TMEM132C: variants seen among roughly 807,000 people sequenced by gnomAD.
TMEM132C encodes protein phosphatase 1, regulatory subunit 152.
TMEM132C carries 29 observed loss-of-function variants against 61.4 expected under a neutral mutation model. The ratio of observed to expected loss-of-function variants is 0.47; its 90% CI spans 0.35 to 0.64. The LOEUF is 0.64. Ranked by LOEUF, TMEM132C falls within the 30% of genes least tolerant of loss-of-function variation. The probability of loss-of-function intolerance (pLI) is 0.00; values close to 1 mark genes in which losing one functional copy is unlikely to be tolerated. For missense variants in TMEM132C, 1,408 were observed against 1,476.9 expected, an observed-to-expected ratio of 0.95 and a Z score of 0.76; for synonymous variants, 656 against 633.1, an observed-to-expected ratio of 1.04 and a Z score of -0.54.
chr12:128,621,721 G>A (rs752524922), intron 4 of TMEM132C, among the ~76,000 whole-genome samples: 3 of 152,148 alleles, frequency 2.0e-5, no homozygotes, highest in Non-Finnish European at 4.4e-5. Context: ...GGTCCTCCAC[G>A]CCCACACACC....
chr12:128,271,196 G>A (rs1338932430), intron 1 of TMEM132C, among the ~76,000 whole-genome samples: 1 of 151,674 alleles, frequency 6.6e-6, no homozygotes, highest in Non-Finnish European at 1.5e-5. Flanking sequence ...GGAGGTTGCA[G>A]TGAGCCAAGA....
intron 3 of TMEM132C, among the ~76,000 whole-genome samples, chr12:128,594,249 C>T (rs910657936): frequency 1.3e-5 from 2 of 151,960 alleles, no homozygotes; most frequent in East Asian, 1.9e-4. Flanking sequence ...GGGATGTGCC[C>T]GTTATGAGTC....
At chr12:128,271,043 C>G (rs1269664700) in intron 1 of TMEM132C, among the ~76,000 whole-genome samples, 1 of 151,958 alleles carries the variant, frequency 6.6e-6, no homozygotes, top group African/African-American at 2.4e-5. Flanking sequence ...CACTTGAGGG[C>G]AGAAGTTCAA....
At chr12:128,685,605 T>A (rs920624761) in intron 5 of TMEM132C, among the ~76,000 whole-genome samples, 2 of 151,456 alleles carry the variant, frequency 1.3e-5, no homozygotes, top group African/African-American at 4.9e-5. Context: ...AGCATGGCTG[T>A]CACTTCTGTT....
At chr12:128,483,083 C>T (rs1037607996) in intron 2 of TMEM132C, among the ~76,000 whole-genome samples, 1 of 150,862 alleles carries the variant, frequency 6.6e-6, no homozygotes, top group Admixed American at 6.6e-5. Context: ...ATAGCAAGAC[C>T]CCATCTCTGC....
At chr12:128,558,581 C>T (rs2136161548) in intron 3 of TMEM132C, among the ~76,000 whole-genome samples, 1 of 152,342 alleles carries the variant, frequency 6.6e-6, no homozygotes, top group African/African-American at 2.4e-5. Flanking sequence ...TCGGGTATGT[C>T]TTTACTAGCA....
intron 5 of TMEM132C, 78 bp downstream of exon 5, chr12:128,669,638 C>T: frequency 6.7e-7 from 1 of 1,499,232 alleles, no homozygotes; most frequent in South Asian, 1.3e-5. Flanking sequence ...GACATTTAGA[C>T]TGAAATACAT....
chr12:128,537,274 A>G (rs1383929342), intron 2 of TMEM132C, among the ~76,000 whole-genome samples: 1 of 152,210 alleles, frequency 6.6e-6, no homozygotes, highest in Non-Finnish European at 1.5e-5. Context: ...TGTCAAAACC[A>G]TAAAAGGGCA....
At chr12:128,465,808 A>G (rs115818288) in intron 2 of TMEM132C, among the ~76,000 whole-genome samples, 1,950 of 152,286 alleles carry the variant, frequency 0.013, 52 homozygotes, top group African/African-American at 0.044. Flanking sequence ...CTAGGCTCTC[A>G]GCTGTGGTTC....
At chr12:128,306,550 T>C (rs2135923294) in intron 1 of TMEM132C, among the ~76,000 whole-genome samples, 1 of 152,334 alleles carries the variant, frequency 6.6e-6, no homozygotes, top group African/African-American at 2.4e-5. Flanking sequence ...CTGCTTTCTC[T>C]TTTGTAATGT....
chr12:128,567,839 C>A (rs1184059251), intron 3 of TMEM132C, among the ~76,000 whole-genome samples: 4 of 152,234 alleles, frequency 2.6e-5, no homozygotes, highest in Non-Finnish European at 5.9e-5. Flanking sequence ...TTCTAGGCTA[C>A]AATGCCTGTC....
intron 2 of TMEM132C, among the ~76,000 whole-genome samples, chr12:128,542,059 GCCAAC>G (rs745630164): frequency 4.6e-5 from 7 of 152,128 alleles, no homozygotes; most frequent in Non-Finnish European, 1.0e-4. Context: ...CAGACTTGTA[GCCAAC>G]CCTCTTTATT....
intron 1 of TMEM132C, among the ~76,000 whole-genome samples, chr12:128,384,713 G>A (rs577721114): frequency 1.3e-3 from 194 of 152,314 alleles, no homozygotes; most frequent in African/African-American, 4.5e-3. Flanking sequence ...GCCTCATGCA[G>A]TGAGTGAATA....
chr12:128,686,078 C>CATGTGTGTGT (rs376733187), intron 5 of TMEM132C, among the ~76,000 whole-genome samples: 30 of 62,316 alleles, frequency 4.8e-4, no homozygotes, highest in East Asian at 3.7e-3. Context: ...TGCGTGTGTG[C>CATGTGTGTGT]GCATGTGTGT....
chr12:128,515,759 C>G (rs7132105), intron 2 of TMEM132C, among the ~76,000 whole-genome samples: 1 of 151,714 alleles, frequency 6.6e-6, no homozygotes, highest in Non-Finnish European at 1.5e-5. Context: ...GGCGTGAACC[C>G]GGGAGGCGGA....
rs1870784217 is a variant in TMEM132C at position 128,278,806 on chromosome 12, T to C, written c.85+11319T>C. 6.6e-6 allele frequency among the ~76,000 whole-genome samples: 1 copy of C among 150,832 alleles called. No homozygotes were observed. Among genetic ancestry groups the C allele is most frequent in the Admixed American group, 6.6e-5 (1 of 15,114 alleles). On this transcript the variant is annotated intron_variant, in intron 1 of 8. Coordinates refer to ENST00000435159, the MANE Select transcript of TMEM132C (RefSeq NM_001136103.3). The surrounding 1 kb of genome is among the most constrained non-coding windows in gnomAD (Gnocchi z 4.2). ...TGTGTGTTTGGGTGAGATTAACAAA[T>C]TGGTGGATTTTGATAAAACAGGTTA...
chr12:128,450,712 A>T (rs1416172037), intron 2 of TMEM132C, among the ~76,000 whole-genome samples: 1 of 152,246 alleles, frequency 6.6e-6, no homozygotes, highest in Non-Finnish European at 1.5e-5. Context: ...ATACAGAAAA[A>T]TATATAAATA....
chr12:128,477,458 C>T (rs1376934407), intron 2 of TMEM132C, among the ~76,000 whole-genome samples: 2 of 152,166 alleles, frequency 1.3e-5, no homozygotes, highest in Non-Finnish European at 2.9e-5. Flanking sequence ...AAATTGGACA[C>T]CACCTCCACC....
At chr12:128,697,200 C>G in intron 7 of TMEM132C, 24 bp from the exon 8 acceptor site, 2 of 1,481,498 alleles carry the variant, frequency 1.3e-6, no homozygotes, top group East Asian at 2.5e-5. Context: ...GATGGATTTT[C>G]CTTGTGTCCT....
Sources: allele counts gnomAD v4.1 joint callset (sites outside exome capture counted in the v4.1 genomes callset), GRCh38; gene constraint gnomAD v4.1.1; non-coding constraint Gnocchi (gnomAD v3.1); transcripts MANE v1.5; gene names NCBI Gene and HGNC (gene_info 2026-07-23, HGNC 2026-07-21).